Variants in IGF1R observed in about 807,000 individuals in gnomAD.
IGF1R encodes insulin-like growth factor 1 receptor.
In IGF1R, 44 loss-of-function variants were observed where a neutral mutation model predicts 144.6. The observed-to-expected ratio is 0.30, with a 90% CI of 0.24 to 0.39. The LOEUF is 0.39. Among genes scored for constraint, IGF1R ranks in the 10% least tolerant of loss-of-function variants. The pLI, the probability that IGF1R is intolerant of heterozygous loss-of-function variation, is 1.00. For missense variants in IGF1R, 1,355 were observed against 1,833.7 expected, an observed-to-expected ratio of 0.74 and a Z score of 4.77; for synonymous variants, 795 against 722.8, an observed-to-expected ratio of 1.10 and a Z score of -1.60.
chr15:98,718,175 G>T (rs903813410), intron 2 of IGF1R, among the ~76,000 whole-genome samples: 1 of 152,128 alleles, frequency 6.6e-6, no homozygotes, highest in African/African-American at 2.4e-5. Context: ...CCCGAAGCCG[G>T]GCTTCTGTTT....
At chr15:98,652,983 T>A (rs1358192004) in intron 1 of IGF1R, among the ~76,000 whole-genome samples, 1 of 151,946 alleles carries the variant, frequency 6.6e-6, no homozygotes, top group East Asian at 1.9e-4. Context: ...TAACTTGTTA[T>A]GCTACCTTAA....
chr15:98,649,359 G>C lies in IGF1R; in HGVS notation c.-223G>C, dbSNP rs1486489833. ...CTCCGCCGAGCCCTGGGCCGCTGCT[G>C]CCGGCGCTGAGGGGCCGCCCCGCGC... On this transcript the variant is annotated 5_prime_UTR_variant, in exon 1 of 21. Transcript: ENST00000650285. The C allele has an allele frequency of 1.1e-4, 26 of 238,102 alleles. No individual in the cohort carries two copies. The highest frequency in any genetic ancestry group is 2.0e-4 in the Non-Finnish European group (25 of 125,090). 14.7% of individuals were successfully genotyped at this position (238,102 alleles called of 1,614,324 possible). A position where few individuals can be genotyped will look rare whatever the true frequency, so the allele number is the denominator to read the frequency against.
At chr15:98,865,891 G>C (rs1421714216) in intron 2 of IGF1R, among the ~76,000 whole-genome samples, 5 of 152,098 alleles carry the variant, frequency 3.3e-5, no homozygotes, top group Non-Finnish European at 7.4e-5. Flanking sequence ...ATTGAGTGTT[G>C]ATGGAAAATC....
At chr15:98,731,502 A>G (rs1350283583) in intron 2 of IGF1R, among the ~76,000 whole-genome samples, 1 of 152,220 alleles carries the variant, frequency 6.6e-6, no homozygotes, top group Admixed American at 6.5e-5. Flanking sequence ...ATGAAAGGTG[A>G]ATCGTCGTTG....
At chr15:98,757,971 T>G (rs2055196529) in intron 2 of IGF1R, among the ~76,000 whole-genome samples, 1 of 152,230 alleles carries the variant, frequency 6.6e-6, no homozygotes, top group Non-Finnish European at 1.5e-5. Flanking sequence ...ATTTTTCTCC[T>G]GAAATAGGTA....
chr15:98,769,451 C>G (rs1166948229), intron 2 of IGF1R, among the ~76,000 whole-genome samples: 2 of 152,156 alleles, frequency 1.3e-5, no homozygotes, highest in Non-Finnish European at 2.9e-5. Context: ...ATCAGCTGCT[C>G]CCAGGGGCCT....
intron 1 of IGF1R, among the ~76,000 whole-genome samples, chr15:98,659,618 G>C (rs529610069): frequency 3.9e-5 from 6 of 152,262 alleles, no homozygotes; most frequent in Non-Finnish European, 8.8e-5. Flanking sequence ...GAGAGAATTA[G>C]GGTCTTCCTA....
intron 3 of IGF1R, among the ~76,000 whole-genome samples, chr15:98,892,285 C>G (rs1239139050): frequency 6.6e-6 from 1 of 152,096 alleles, no homozygotes; most frequent in Non-Finnish European, 1.5e-5. Flanking sequence ...AGGCATGTGG[C>G]TCACACCTGT....
rs75052333 is a variant in IGF1R, at chr15:98,806,451, G to C, written c.641-84874G>C. Among the ~76,000 whole-genome samples, 17 of 151,998 alleles carry C rather than the reference G, an allele frequency of 1.1e-4. No homozygotes were observed. The East Asian group carries it at 1.2e-3, about 10-fold the overall frequency. On this transcript the variant is annotated intron_variant, in intron 2 of 20. Transcript: ENST00000650285. ...CTCTGCTGGCATCTGTGGGCTTAAAGTGCCTTCACTCCCATCCTTTTCAAC... is the reference window on the plus strand; with the variant it reads ...CTCTGCTGGCATCTGTGGGCTTAAACTGCCTTCACTCCCATCCTTTTCAAC...
chr15:98,676,276 T>A (rs2053042444), intron 1 of IGF1R, among the ~76,000 whole-genome samples: 1 of 152,128 alleles, frequency 6.6e-6, no homozygotes, highest in Non-Finnish European at 1.5e-5. Flanking sequence ...TAGCTGGGAC[T>A]ACAGGCATGT....
intron 1 of IGF1R, among the ~76,000 whole-genome samples, chr15:98,657,671 G>A (rs996796439): frequency 6.6e-6 from 1 of 152,200 alleles, no homozygotes; most frequent in Non-Finnish European, 1.5e-5. Flanking sequence ...ACATGATATC[G>A]TGTAGTCGTA....
intron 2 of IGF1R, among the ~76,000 whole-genome samples, chr15:98,843,243 T>G (rs1456197192): frequency 1.3e-5 from 2 of 152,224 alleles, no homozygotes; most frequent in African/African-American, 4.8e-5. Flanking sequence ...CCCAGAAAGT[T>G]AGAATATTGG....
chr15:98,923,633 G>C, intron 11 of IGF1R: 1 of 519,306 alleles, frequency 1.9e-6, no homozygotes, highest in South Asian at 2.2e-5. Context: ...ATCTTGAGAC[G>C]TGCAAGTTTT....
At chr15:98,910,502 G>A (rs1209575659) in intron 6 of IGF1R, among the ~76,000 whole-genome samples, 2 of 152,220 alleles carry the variant, frequency 1.3e-5, no homozygotes, top group Non-Finnish European at 2.9e-5. Flanking sequence ...TGAGTGTGTA[G>A]TGGGATTCAG....
At chr15:98,944,847 T>C (rs1309808350) in intron 19 of IGF1R, among the ~76,000 whole-genome samples, 2 of 152,232 alleles carry the variant, frequency 1.3e-5, no homozygotes, top group Non-Finnish European at 2.9e-5. Flanking sequence ...ACATCCTTGC[T>C]CTTAGCAAAT....
chr15:98,917,430 C>T (rs951230463), intron 10 of IGF1R, among the ~76,000 whole-genome samples: 4 of 152,112 alleles, frequency 2.6e-5, no homozygotes, highest in Admixed American at 6.5e-5. Context: ...CTGTTTATTC[C>T]GTGGTTACTC....
At chr15:98,832,805 C>G (rs939206361) in intron 2 of IGF1R, among the ~76,000 whole-genome samples, 1 of 152,144 alleles carries the variant, frequency 6.6e-6, no homozygotes, top group Non-Finnish European at 1.5e-5. Context: ...ACAAGGTATG[C>G]CATGGTTTAT....
intron 1 of IGF1R, among the ~76,000 whole-genome samples, chr15:98,661,785 A>G (rs1827372616): frequency 6.6e-6 from 1 of 152,132 alleles, no homozygotes; most frequent in African/African-American, 2.4e-5. Flanking sequence ...TTAGCAATAG[A>G]TAATGTATCC....
chr15:98,863,468 T>C (rs2012268175), intron 2 of IGF1R, among the ~76,000 whole-genome samples: 1 of 152,236 alleles, frequency 6.6e-6, no homozygotes, highest in Admixed American at 6.5e-5. Flanking sequence ...TCCATTACTG[T>C]GATGTTTGCC....
Sources: gnomAD v4.1 joint callset for allele counts (sites outside exome capture counted in the v4.1 genomes callset) on GRCh38, gnomAD v4.1.1 for gene constraint, MANE v1.5 for transcripts, NCBI Gene and HGNC (gene_info 2026-07-23, HGNC 2026-07-21) for gene names.